Variants in PABPC4 observed in about 807,000 individuals in gnomAD.
PABPC4 encodes polyadenylate-binding protein 4.
In PABPC4, 15 loss-of-function variants were observed where a neutral mutation model predicts 74.5. That is an observed-to-expected ratio of 0.20 (90% CI 0.13 to 0.31). The LOEUF (loss-of-function observed/expected upper bound fraction) is 0.31. PABPC4 is among the 10% of genes least tolerant of loss of function. The probability of loss-of-function intolerance (pLI) is 1.00; values close to 1 mark genes in which losing one functional copy is unlikely to be tolerated. For synonymous variants in PABPC4, 345 were observed against 303.0 expected (o/e 1.14, Z -1.44); for missense variants, 610 against 853.5 (o/e 0.71, Z 3.55).
chr1:39,571,374 T>G (rs750391353), intron 2 of PABPC4, 25 bp from the exon 3 acceptor site: 101 of 1,613,450 alleles, frequency 6.3e-5, no homozygotes, highest in Non-Finnish European at 8.5e-5. Flanking sequence ...GCGGACCACT[T>G]TAGCAGAACT....
rs372387620 is a variant in PABPC4 at position 39,565,496 on chromosome 1, G to A, written c.973-118C>T. ...GTGGGAGGGCTGCTTGAGCTCAGGA[G>A]GTTGAGACCAGCTTGAGCAATGTAG... On this transcript the variant is annotated intron_variant, in intron 7 of 15. Coordinates refer to ENST00000372858, the MANE Select transcript of PABPC4 (RefSeq NM_001135653.2). The A allele has an allele frequency of 1.9e-5, 19 of 1,015,712 alleles. No individual in the cohort carries two copies. In the African/African-American group the frequency reaches 2.9e-4, roughly 16 times the overall value. 62.9% of individuals were successfully genotyped at this position (1,015,712 alleles called of 1,614,324 possible). A position where few individuals can be genotyped will look rare whatever the true frequency, so the allele number is the denominator to read the frequency against.
Position 39,562,328 on chromosome 1 carries a change from A to G in PABPC4, c.1757T>C (p.Met586Thr). 1 of 1,613,964 alleles carries G rather than the reference A, an allele frequency of 6.2e-7. No individual in the cohort carries two copies. Residue 586 changes from methionine to threonine, a missense_variant, in exon 13 of 16, where the codon ATG becomes ACG. Around this residue, in one of 4 missense-constraint regions of PABPC4, gnomAD observed 277 missense variants for 301.8 expected, o/e 0.92. Transcript: ENST00000372858. ...AAAPPQEQKQMLGERLFPLIQ... is the reference protein window; with the variant it reads ...AAAPPQEQKQTLGERLFPLIQ... ...CAAGCAAGTGGGTCACTCACCCAGC[A>G]TCTGCTTCTGTTCCTGGGGGGGTGC...
chr1:39,563,542 A>G (rs2124440638), intron 12 of PABPC4, 72 bp downstream of exon 12: 5 of 1,559,164 alleles, frequency 3.2e-6, no homozygotes, highest in Non-Finnish European at 4.4e-6. Flanking sequence ...GAAGGAATCA[A>G]AAGCACAGCT....
In PABPC4 at chr1:39,567,335, A is replaced by G. The variant is rs1215110064; in HGVS notation, c.972+416T>C. 3.9e-6 allele frequency: 2 copies of G among 509,866 alleles called. 1 individual carries two copies. Among genetic ancestry groups the G allele is most frequent in the East Asian group, 1.1e-4 (2 of 18,170 alleles). 31.6% of individuals were successfully genotyped at this position (509,866 alleles called of 1,614,324 possible). ...GACCAGGGTAGAAGTTCCCAAGCCC[A>G]CCTCCAAAATCTTCAAAATACCTTC... On this transcript the variant is annotated intron_variant, in intron 7 of 15. Coordinates refer to ENST00000372858, the MANE Select transcript of PABPC4 (RefSeq NM_001135653.2).
At chr1:39,566,830 G>C (rs1645851587) in intron 7 of PABPC4, among the ~76,000 whole-genome samples, 1 of 152,116 alleles carries the variant, frequency 6.6e-6, no homozygotes, top group South Asian at 2.1e-4. Flanking sequence ...TCAAGGGGGG[G>C]GTCATAGCAA....
In PABPC4 at chr1:39,561,253, C is replaced by G. The variant is rs149668225; in HGVS notation, c.*14-131G>C. On this transcript the variant is annotated intron_variant, in intron 15 of 15. Transcript: ENST00000372858. ...CAGTGCTATTGACACTTTGGACATT[C>G]TGTTGGGTCTGTCCTCCTGTGTACT... The G allele has an allele frequency of 1.5e-3, 638 of 413,780 alleles. 3 individuals carry two copies. The highest frequency in any genetic ancestry group is 0.012 in the African/African-American group (581 of 48,902). The allele number at this position is 413,780 out of a possible 1,614,324, so 25.6% of individuals were successfully genotyped here. A position where few individuals can be genotyped will look rare whatever the true frequency, so the allele number is the denominator to read the frequency against.
chr1:39,566,979 CCAGCCCACGTGGCTTCCCTTCTCAT>C (rs1235930921), intron 7 of PABPC4, among the ~76,000 whole-genome samples: 1 of 149,946 alleles, frequency 6.7e-6, no homozygotes, highest in African/African-American at 2.4e-5. Context: ...TAAGCCCTTA[CCAGCCCACGTGGCTTCCCTTCTCAT>C]CAACTAAAGG....
At chr1:39,566,006 G>C (rs1407168124) in intron 7 of PABPC4, among the ~76,000 whole-genome samples, 1 of 152,138 alleles carries the variant, frequency 6.6e-6, no homozygotes, top group African/African-American at 2.4e-5. Context: ...TCTAGGTCAG[G>C]GTTCTGGCAC....
Position 39,569,619 on chromosome 1 carries a change from G to C in PABPC4, c.714C>G (p.Tyr238Ter). 1.2e-6 allele frequency: 2 copies of C among 1,613,854 alleles called. No homozygotes were observed. Among genetic ancestry groups the C allele is most frequent in the Non-Finnish European group, 1.7e-6 (2 of 1,179,830 alleles). ...GKSKGFGFVS[Y>*]EKHEDANKAV... ...CCTTATTGGCATCCTCGTGTTTTTC[G>C]TAACTCACAAAGCCAAAGCCTTTGG... is the stretch of plus-strand genomic sequence containing the variant. The change falls in exon 5 of 16, where the codon TAC becomes TAG. Residue 238 changes from tyrosine to a stop codon, truncating the protein, a stop_gained. Transcript: ENST00000372858. LOFTEE classifies it high-confidence loss of function.
In PABPC4 at chr1:39,570,009, T is replaced by C. The variant is rs190354658; in HGVS notation, c.504-7A>G. On this transcript the variant is annotated splice_region_variant and splice_polypyrimidine_tract_variant and intron_variant, in intron 3 of 15. Coordinates refer to ENST00000372858, the MANE Select transcript of PABPC4 (RefSeq NM_001135653.2). ...CTTGAATCTGCCCACAAATCTAAAA[T>C]GAAACCATGAAGAACAGTAATTACC... 6.7e-5 allele frequency: 108 copies of C among 1,603,394 alleles called. No individual in the cohort carries two copies. In the African/African-American group the frequency reaches 1.2e-3, roughly 18 times the overall value.
Position 39,564,722 on chromosome 1 carries a change from G to C in PABPC4, c.1297C>G (p.Pro433Ala). ...YTPNQLAQMR[P>A]NPRWQQGGRP... is the part of the protein sequence containing the mutation. ...CCACCTTGCTGCCAGCGTGGATTAG[G>C]CCTCATCTGTGCTAACTGGTTAGGT... is the stretch of plus-strand genomic sequence containing the variant. The change falls in exon 9 of 16, where the codon CCT becomes GCT. Residue 433 changes from proline to alanine, a missense_variant. Physicochemically the swap from Pro to Ala is conservative, Grantham distance 27 (BLOSUM62 -1). Transcript: ENST00000372858. The C allele has an allele frequency of 6.2e-7, 1 of 1,614,088 alleles. No individual in the cohort carries two copies. The highest frequency in any genetic ancestry group is 1.1e-5 in the South Asian group (1 of 91,078).
At chr1:39,567,510 C>A (rs1184529349) in intron 7 of PABPC4, 1 of 625,734 alleles carries the variant, frequency 1.6e-6, no homozygotes, top group Admixed American at 1.8e-5. Context: ...TTCAGGTGCT[C>A]TGAGTTGGCA....
chr1:39,572,378 T>C lies in PABPC4; in HGVS notation c.387+15A>G. On this transcript the variant is annotated intron_variant, in intron 2 of 15. Transcript: ENST00000372858. ...CAATTAATTATTCTGCTAAAATCAT[T>C]TAATCAATGTTTACCTTGCAGGACA... 2 of 1,553,860 alleles carry C rather than the reference T, an allele frequency of 1.3e-6. No individual in the cohort carries two copies. Among genetic ancestry groups the C allele is most frequent in the Non-Finnish European group, 1.8e-6 (2 of 1,128,582 alleles).
intron 1 of PABPC4, among the ~76,000 whole-genome samples, chr1:39,574,478 C>CT (rs1645988021): frequency 6.6e-6 from 1 of 152,336 alleles, no homozygotes; most frequent in African/African-American, 2.4e-5. Flanking sequence ...TCTGCTATCT[C>CT]TAAGTGACAC....
Position 39,561,706 on chromosome 1 carries a change from T to G in PABPC4, c.1975A>C (p.Thr659Pro), listed in dbSNP as rs145196808. 6.2e-7 allele frequency: 1 copy of G among 1,612,652 alleles called. No individual in the cohort carries two copies. Among genetic ancestry groups the G allele is most frequent in the Non-Finnish European group, 8.5e-7 (1 of 1,179,418 alleles). ...AQKVGAVAAATS is the reference protein window; with the variant it reads ...AQKVGAVAAAPS The stretch of plus-strand genomic sequence containing the variant: ...ATACGGTTTTTCCTTGTCTAAGAGG[T>G]AGCAGCAGCAACAGCGCCCACCTTC... The change falls in exon 15 of 16, where the codon ACC becomes CCC. Residue 659 changes from threonine to proline, a missense_variant. Coordinates refer to ENST00000372858, the MANE Select transcript of PABPC4 (RefSeq NM_001135653.2).
chr1:39,571,815 A>G (rs1346714012), intron 2 of PABPC4: 2 of 339,538 alleles, frequency 5.9e-6, no homozygotes, highest in East Asian at 7.6e-5. Flanking sequence ...CGAAGCTACA[A>G]TGAGCTATTA....
At position 39,561,088 on chromosome 1, in the gene PABPC4, T is replaced by A. The variant is rs139441501; in HGVS notation, c.*48A>T. 4 of 470,166 alleles carry A rather than the reference T, an allele frequency of 8.5e-6. No homozygotes were observed. The highest frequency in any genetic ancestry group is 1.8e-5 in the Non-Finnish European group (4 of 226,476). 29.1% of individuals were successfully genotyped at this position (470,166 alleles called of 1,614,324 possible). On this transcript the variant is annotated 3_prime_UTR_variant, in exon 16 of 16. Transcript: ENST00000372858. The stretch of plus-strand genomic sequence containing the variant: ...AGCTAGGAAGTCTTCAAACCTTGAG[T>A]TGAATTCCATAAGGGGTTATTTGGC...
In PABPC4 at chr1:39,564,746, G is replaced by A. The variant is rs372481164; in HGVS notation, c.1273C>T (p.Pro425Ser). 6.8e-6 allele frequency: 11 copies of A among 1,613,996 alleles called. No individual in the cohort carries two copies. The East Asian group carries it at 1.6e-4, about 23-fold the overall frequency. The stretch of plus-strand genomic sequence containing the variant: ...GGCCTCATCTGTGCTAACTGGTTAG[G>A]TGTATAATATGGAGGCCTTCCCTGA... ...QAQGRPPYYT[P>S]NQLAQMRPNP... Residue 425 changes from proline (P) to serine (S), a missense_variant, in exon 9 of 16, where the codon CCT becomes TCT. Transcript: ENST00000372858.
chr1:39,564,243 G>A lies in PABPC4; in HGVS notation c.1453+180C>T, dbSNP rs541097346. 36 of 689,334 alleles carry A rather than the reference G, an allele frequency of 5.2e-5. No individual in the cohort carries two copies. In the African/African-American group the frequency reaches 5.8e-4, roughly 11 times the overall value. 42.7% of individuals were successfully genotyped at this position (689,334 alleles called of 1,614,324 possible). ...TGAGCAAAGAATGTTAAAAGCAACT[G>A]ACACACCTAGAACTCATACTGTTTC... On this transcript the variant is annotated intron_variant, in intron 10 of 15. Transcript: ENST00000372858.
Sources: allele counts gnomAD v4.1 joint callset (sites outside exome capture counted in the v4.1 genomes callset), GRCh38; gene constraint gnomAD v4.1.1; regional missense constraint gnomAD v4.1.1; transcripts MANE v1.5; gene names NCBI Gene and HGNC (gene_info 2026-07-23, HGNC 2026-07-21).